Variants in DTNA observed in about 807,000 individuals in gnomAD.
DTNA encodes the protein dystrobrevin alpha.
A neutral mutation model predicts 100.7 loss-of-function variants in DTNA; 43 were observed. The observed-to-expected ratio is 0.43, with a 90% CI of 0.33 to 0.55. The LOEUF is 0.55. Ranked by LOEUF, DTNA falls within the 20% of genes least tolerant of loss-of-function variation. The pLI is 0.04. For synonymous variants in DTNA, 349 were observed against 347.9 expected (o/e 1.00, Z -0.04); for missense variants, 798 against 953.9 (o/e 0.84, Z 2.15).
rs571683257 is a variant in DTNA, at chr18:34,735,837, C to T, written c.-1-20139C>T. Among the ~76,000 whole-genome samples, 60 of 152,224 alleles carry T rather than the reference C, an allele frequency of 3.9e-4. 1 individual carries two copies. In the South Asian group the frequency reaches 0.011, roughly 29 times the overall value. ...GCTACTTTTCCTAATGCTGTCCCTC[C>T]GCCAACCTAACTGTTAAGGTGTACT... On this transcript the variant is annotated intron_variant, in intron 1 of 22. Transcript: ENST00000444659.
chr18:34,708,858 A>G (rs767863555), upstream of DTNA, among the ~76,000 whole-genome samples: 1 of 152,190 alleles, frequency 6.6e-6, no homozygotes, highest in African/African-American at 2.4e-5. Context: ...ATCTCATTTA[A>G]TCCATTTCCA....
chr18:34,565,224 C>G (rs932773185), intron 1 of DTNA, among the ~76,000 whole-genome samples: 2 of 152,196 alleles, frequency 1.3e-5, no homozygotes, highest in Admixed American at 6.5e-5. Flanking sequence ...AACAAACATA[C>G]AAACAAATCC....
At position 34,727,864 on chromosome 18, in the gene DTNA, G is replaced by A. The variant is rs188894954; in HGVS notation, c.-2+17419G>A. 1.7e-3 allele frequency among the ~76,000 whole-genome samples: 259 copies of A among 152,108 alleles called. 2 individuals carry two copies. The highest frequency in any genetic ancestry group is 6.0e-3 in the African/African-American group (249 of 41,490). ...ACAGGTGTGAGCCACTGCACTCAGC[G>A]CCTAAAATGTCTTATAAAAGTGTTT... On this transcript the variant is annotated intron_variant, in intron 1 of 22. Coordinates refer to ENST00000444659, the MANE Select transcript of DTNA (RefSeq NM_001386795.1).
chr18:34,494,705 TTGCAG>T (rs1168294132), intron 1 of DTNA, among the ~76,000 whole-genome samples: 1 of 152,116 alleles, frequency 6.6e-6, no homozygotes, highest in Non-Finnish European at 1.5e-5. Context: ...TGGATGTGCC[TTGCAG>T]TGAAGCTTAC....
chr18:34,828,943 T>C, intron 10 of DTNA: 7 of 1,386,924 alleles, frequency 5.0e-6, no homozygotes, highest in Non-Finnish European at 7.2e-6. Flanking sequence ...TGATGTGATG[T>C]TTAGAAATAT....
chr18:34,494,237 G>A (rs997859407), intron 1 of DTNA, among the ~76,000 whole-genome samples: 4 of 152,016 alleles, frequency 2.6e-5, no homozygotes, highest in African/African-American at 9.7e-5. Context: ...TCGGGGAACA[G>A]TCTGAGGGGT....
chr18:34,529,885 CAGAAG>C (rs2042981752), intron 1 of DTNA, among the ~76,000 whole-genome samples: 1 of 152,100 alleles, frequency 6.6e-6, no homozygotes. Context: ...GAATATGCTT[CAGAAG>C]TACCTCAGTT....
intron 14 of DTNA, among the ~76,000 whole-genome samples, chr18:34,850,981 T>C (rs574802776): frequency 1.4e-4 from 21 of 152,142 alleles, no homozygotes; most frequent in Non-Finnish European, 2.8e-4. Flanking sequence ...AGAATATACA[T>C]GAATATGTGA....
rs1016832583 is a variant in DTNA, at chr18:34,888,104, C to T, written c.*370C>T. Reference sequence around the variant, plus strand: ...AACAAACACAGGCTGAAAACCCATGCTGCTGTTATACACAATGGCAGTATT... The same window carrying T: ...AACAAACACAGGCTGAAAACCCATGTTGCTGTTATACACAATGGCAGTATT... On this transcript the variant is annotated 3_prime_UTR_variant, in exon 23 of 23. Coordinates refer to ENST00000444659, the MANE Select transcript of DTNA (RefSeq NM_001386795.1). 3.4e-5 allele frequency: 34 copies of T among 985,922 alleles called. No individual in the cohort carries two copies. The African/African-American group carries it at 5.6e-4, about 16-fold the overall frequency. 61.1% of individuals were successfully genotyped at this position (985,922 alleles called of 1,614,324 possible). A position where few individuals can be genotyped will look rare whatever the true frequency, so the allele number is the denominator to read the frequency against.
chr18:34,723,634 C>T lies in DTNA; in HGVS notation c.-2+13189C>T, dbSNP rs187180599. ...AAAAATAGGGCCAGGCACGGTGGCT[C>T]AGGCCTGTAATCCTAGCAATTTGGG... On this transcript the variant is annotated intron_variant, in intron 1 of 22. Coordinates refer to ENST00000444659, the MANE Select transcript of DTNA (RefSeq NM_001386795.1). Among the ~76,000 whole-genome samples the T allele has an allele frequency of 1.3e-3, 198 of 152,290 alleles. 1 individual carries two copies. Among genetic ancestry groups the T allele is most frequent in the African/African-American group, 4.5e-3 (187 of 41,572 alleles).
chr18:34,780,285 T>C (rs1443577641), intron 3 of DTNA, among the ~76,000 whole-genome samples: 1 of 152,182 alleles, frequency 6.6e-6, no homozygotes, highest in Admixed American at 6.5e-5. Context: ...AAATACCAGA[T>C]AAAATCATGT....
intron 16 of DTNA, among the ~76,000 whole-genome samples, chr18:34,862,124 C>CAAAAAA (rs1002538086): frequency 7.1e-5 from 4 of 56,158 alleles, no homozygotes; most frequent in Admixed American, 1.8e-4. Context: ...CAGACAAGGT[C>CAAAAAA]AAAAAAAAAA....
intron 1 of DTNA, among the ~76,000 whole-genome samples, chr18:34,567,531 TAAG>T (rs371530019): frequency 9.1e-4 from 139 of 152,296 alleles, no homozygotes; most frequent in African/African-American, 3.1e-3. Flanking sequence ...TACAGATTGA[TAAG>T]AAATTTTTAA....
rs368367971 is a variant in DTNA, at chr18:34,556,479, A to C, written c.-2+62965A>C. On this transcript the variant is annotated intron_variant, in intron 1 of 19. Coordinates refer to the DTNA transcript ENST00000283365. ...TCTTCCTAGTCTCGATGGTCTTTACATTTTGGCATGATTTTGCAGCGGCTG... is the reference window on the plus strand; with the variant it reads ...TCTTCCTAGTCTCGATGGTCTTTACCTTTTGGCATGATTTTGCAGCGGCTG... Among the ~76,000 whole-genome samples, 3 of 150,746 alleles carry C rather than the reference A, an allele frequency of 2.0e-5. No homozygotes were observed. The South Asian group carries it at 6.4e-4, about 32-fold the overall frequency.
intron 1 of DTNA, among the ~76,000 whole-genome samples, chr18:34,589,424 T>TAATAAAACC (rs2049463421): frequency 6.6e-6 from 1 of 151,962 alleles, no homozygotes; most frequent in South Asian, 2.1e-4. Context: ...CTGGCTAACA[T>TAATAAAACC]AATAAAACCC....
chr18:34,672,617 C>T (rs936357070), intron 1 of DTNA, among the ~76,000 whole-genome samples: 27 of 152,154 alleles, frequency 1.8e-4, no homozygotes, highest in Non-Finnish European at 1.5e-5. Flanking sequence ...TGTCTCATAT[C>T]TTCATATGTA....
intron 1 of DTNA, among the ~76,000 whole-genome samples, chr18:34,687,965 CT>C (rs553865161): frequency 3.3e-4 from 49 of 149,202 alleles, no homozygotes; most frequent in African/African-American, 4.4e-4. Context: ...GCAACTTCTG[CT>C]TTTTTTTTTC....
intron 1 of DTNA, among the ~76,000 whole-genome samples, chr18:34,744,242 A>G (rs1224084949): frequency 6.6e-6 from 1 of 152,186 alleles, no homozygotes; most frequent in Non-Finnish European, 1.5e-5. Context: ...TTCTAGTTTC[A>G]CTAAAAATCA....
At chr18:34,530,936 C>G (rs1287725343) in intron 1 of DTNA, among the ~76,000 whole-genome samples, 6 of 152,116 alleles carry the variant, frequency 3.9e-5, no homozygotes, top group African/African-American at 1.4e-4. Flanking sequence ...TTCTTCCCCT[C>G]TCTCCTCCTC....
Sources: allele counts gnomAD v4.1 joint callset (sites outside exome capture counted in the v4.1 genomes callset), GRCh38; gene constraint gnomAD v4.1.1; transcripts MANE v1.5; gene names NCBI Gene and HGNC (gene_info 2026-07-23, HGNC 2026-07-21).